SUGCT: variants seen among roughly 807,000 people sequenced by gnomAD.
SUGCT encodes succinyl-CoA:glutarate CoA-transferase.
SUGCT carries 41 observed loss-of-function variants against 55.0 expected under a neutral mutation model. The observed-to-expected ratio is 0.74, with a 90% confidence interval of 0.58 to 0.97. The LOEUF (loss-of-function observed/expected upper bound fraction) is 0.97, where lower values mean the gene tolerates loss of function less well. Ranked by LOEUF, SUGCT falls within the 50% of genes least tolerant of loss-of-function variation. The pLI is 0.00. For synonymous variants in SUGCT, 187 were observed against 200.4 expected (o/e 0.93, Z 0.56); for missense variants, 568 against 547.8 (o/e 1.04, Z -0.37).
chr7:40,652,742 T>C (rs1800834611), intron 12 of SUGCT, among the ~76,000 whole-genome samples: 1 of 152,234 alleles, frequency 6.6e-6, no homozygotes, highest in Non-Finnish European at 1.5e-5. Context: ...GAAAAATCTG[T>C]ATTGCTATAA....
chr7:40,943,448 A>G, the SUGCT span, among the ~76,000 whole-genome samples: 1 of 103,250 alleles, frequency 9.7e-6, no homozygotes, highest in Non-Finnish European at 1.8e-5. Context: ...ACCCCACAAC[A>G]GTCCCCAGAG....
chr7:40,568,034 T>C (rs944288350), intron 12 of SUGCT, among the ~76,000 whole-genome samples: 4 of 152,184 alleles, frequency 2.6e-5, no homozygotes, highest in African/African-American at 7.2e-5. Context: ...TCAATATAAC[T>C]TGGGTATTTT....
intron 10 of SUGCT, among the ~76,000 whole-genome samples, chr7:40,458,275 A>G (rs2151443527): frequency 6.6e-6 from 1 of 152,320 alleles, no homozygotes; most frequent in Non-Finnish European, 1.5e-5. Flanking sequence ...ACTTTCCAAT[A>G]CAACTGCCAA....
the SUGCT span, among the ~76,000 whole-genome samples, chr7:40,934,688 G>C: frequency 6.6e-6 from 1 of 151,858 alleles, no homozygotes; most frequent in African/African-American, 2.4e-5. Context: ...CTTGCAGGTC[G>C]ATCTCAGACT....
At chr7:40,602,010 A>G (rs2151754888) in intron 12 of SUGCT, among the ~76,000 whole-genome samples, 1 of 152,318 alleles carries the variant, frequency 6.6e-6, no homozygotes, top group South Asian at 2.1e-4. Flanking sequence ...TACTCTTTCA[A>G]GTTTTTACCT....
At chr7:40,903,260 G>A in the SUGCT span, among the ~76,000 whole-genome samples, 131 of 152,246 alleles carry the variant, frequency 8.6e-4, no homozygotes, top group Non-Finnish European at 1.5e-3. Flanking sequence ...ACGGAGGTGA[G>A]AGGGAGCTCT....
chr7:40,963,878 G>A, the SUGCT span, among the ~76,000 whole-genome samples: 1 of 152,170 alleles, frequency 6.6e-6, no homozygotes, highest in Admixed American at 6.5e-5. Flanking sequence ...GTCAGATGCA[G>A]GTTTAGACTG....
chr7:40,342,753 C>T (rs1797119253), intron 9 of SUGCT, among the ~76,000 whole-genome samples: 1 of 152,004 alleles, frequency 6.6e-6, no homozygotes, highest in African/African-American at 2.4e-5. Flanking sequence ...AGATATTATC[C>T]TGCCTCAGCC....
At chr7:40,407,280 T>A (rs4134202) in intron 9 of SUGCT, among the ~76,000 whole-genome samples, 4 of 151,972 alleles carry the variant, frequency 2.6e-5, no homozygotes, top group Non-Finnish European at 4.4e-5. Context: ...TAAATGTAGC[T>A]GTGTGATATT....
intron 13 of SUGCT, among the ~76,000 whole-genome samples, chr7:40,794,104 C>T (rs1353461026): frequency 2.6e-5 from 4 of 151,940 alleles, no homozygotes; most frequent in African/African-American, 9.7e-5. Context: ...ATTTAAGGAT[C>T]TGATTCTTTC....
intron 12 of SUGCT, among the ~76,000 whole-genome samples, chr7:40,540,395 C>A (rs1226894060): frequency 6.6e-6 from 1 of 152,210 alleles, no homozygotes; most frequent in African/African-American, 2.4e-5. Flanking sequence ...AAATTCTAAA[C>A]AGGTCTGCCC....
At chr7:40,999,815 AT>A in the SUGCT span, among the ~76,000 whole-genome samples, 1 of 152,186 alleles carries the variant, frequency 6.6e-6, no homozygotes, top group East Asian at 1.9e-4. Context: ...TAACAATTAC[AT>A]TTGACAACTG....
chr7:40,592,308 G>T (rs1797770327), intron 12 of SUGCT, among the ~76,000 whole-genome samples: 1 of 152,138 alleles, frequency 6.6e-6, no homozygotes, highest in African/African-American at 2.4e-5. Context: ...TTGTGGCAGA[G>T]ATTCAAATAA....
chr7:40,693,834 C>T (rs1173880635), intron 12 of SUGCT, among the ~76,000 whole-genome samples: 1 of 152,194 alleles, frequency 6.6e-6, no homozygotes, highest in Non-Finnish European at 1.5e-5. Flanking sequence ...ATTTCCATGA[C>T]CTGGGAAAGT....
chr7:40,356,854 A>G (rs1053597149), intron 9 of SUGCT, among the ~76,000 whole-genome samples: 2 of 152,240 alleles, frequency 1.3e-5, no homozygotes, highest in Non-Finnish European at 2.9e-5. Context: ...AGTATCCATC[A>G]CATCTGTTAG....
At chr7:40,937,982 C>G in the SUGCT span, among the ~76,000 whole-genome samples, 1 of 152,118 alleles carries the variant, frequency 6.6e-6, no homozygotes, top group Non-Finnish European at 1.5e-5. Flanking sequence ...CTCGCATGTG[C>G]AGTTCACAAT....
chr7:40,254,224 AT>A (rs1440335467), intron 7 of SUGCT, among the ~76,000 whole-genome samples: 1 of 152,160 alleles, frequency 6.6e-6, no homozygotes, highest in Non-Finnish European at 1.5e-5. Flanking sequence ...CTAGTGAAAG[AT>A]TTCACACACA....
At chr7:40,781,466 G>T (rs1455182129) in intron 13 of SUGCT, among the ~76,000 whole-genome samples, 5 of 151,992 alleles carry the variant, frequency 3.3e-5, no homozygotes, top group Non-Finnish European at 7.4e-5. Context: ...GTGCAGGGAA[G>T]ATACACACAC....
chr7:40,505,805 T>C (rs560360578), intron 12 of SUGCT, among the ~76,000 whole-genome samples: 3 of 152,214 alleles, frequency 2.0e-5, no homozygotes, highest in African/African-American at 7.2e-5. Flanking sequence ...TGATAATATT[T>C]GTTATAGTAA....
Sources: allele counts gnomAD v4.1 joint callset (sites outside exome capture counted in the v4.1 genomes callset), GRCh38; gene constraint gnomAD v4.1.1; transcripts MANE v1.5; gene names NCBI Gene and HGNC (gene_info 2026-07-23, HGNC 2026-07-21).